C12orf42: variants seen among roughly 807,000 people sequenced by gnomAD.
The protein encoded by C12orf42 is chromosome 12 open reading frame 42.
In C12orf42, 25 loss-of-function variants were observed where a neutral mutation model predicts 21.6. That is an observed-to-expected ratio of 1.16 (90% CI 0.84 to 1.62). The LOEUF (loss-of-function observed/expected upper bound fraction) is 1.62, where lower values mean the gene tolerates loss of function less well. Among genes scored for constraint, C12orf42 ranks in the 40% most tolerant of loss-of-function variants. The pLI, the probability that C12orf42 is intolerant of heterozygous loss-of-function variation, is 0.00. For missense variants in C12orf42, 483 were observed against 459.3 expected, an observed-to-expected ratio of 1.05 and a Z score of -0.47; for synonymous variants, 174 against 175.0, an observed-to-expected ratio of 0.99 and a Z score of 0.05.
intron 4 of C12orf42, among the ~76,000 whole-genome samples, chr12:103,282,566 G>T (rs11611784): frequency 6.6e-6 from 1 of 152,044 alleles, no homozygotes; most frequent in African/African-American, 2.4e-5. Context: ...ATACCATCTA[G>T]GTTTGTGTTA....
At chr12:103,436,139 T>G (rs1308335704) in intron 2 of C12orf42, among the ~76,000 whole-genome samples, 2 of 151,610 alleles carry the variant, frequency 1.3e-5, no homozygotes, top group Admixed American at 6.6e-5. Flanking sequence ...GAATTTCATA[T>G]CCAGCCAAAC....
intron 10 of C12orf42, among the ~76,000 whole-genome samples, chr12:103,252,645 GT>G (rs2034367927): frequency 6.6e-6 from 1 of 152,012 alleles, no homozygotes; most frequent in African/African-American, 2.4e-5. Context: ...GGGGTTGTTT[GT>G]TTTTTTCTTG....
the C12orf42 span, among the ~76,000 whole-genome samples, chr12:103,132,364 A>G: frequency 6.6e-6 from 1 of 152,012 alleles, no homozygotes; most frequent in Non-Finnish European, 1.5e-5. Context: ...GAAAAAGTAG[A>G]TGAGTGACCC....
intron 5 of C12orf42, among the ~76,000 whole-genome samples, chr12:103,303,500 T>C (rs1461455877): frequency 6.6e-6 from 1 of 152,172 alleles, no homozygotes; most frequent in Non-Finnish European, 1.5e-5. Flanking sequence ...TCTAGAAGCT[T>C]TCAAAGGTTT....
chr12:103,263,000 T>C (rs188904632), intron 10 of C12orf42, among the ~76,000 whole-genome samples: 4 of 152,244 alleles, frequency 2.6e-5, no homozygotes, highest in African/African-American at 9.6e-5. Flanking sequence ...ATGTCCTTTG[T>C]AGGGATACGG....
chr12:103,447,170 C>T (rs1231839929), intron 2 of C12orf42, among the ~76,000 whole-genome samples: 1 of 151,886 alleles, frequency 6.6e-6, no homozygotes, highest in Admixed American at 6.6e-5. Context: ...CTCTCTCAGA[C>T]CACAGTGGAA....
the C12orf42 span, among the ~76,000 whole-genome samples, chr12:103,529,385 G>C: frequency 6.6e-6 from 1 of 152,236 alleles, no homozygotes; most frequent in Admixed American, 6.5e-5. Context: ...GTCCATTCCT[G>C]TAAATGCTGT....
At chr12:103,058,743 CG>C in the C12orf42 span, among the ~76,000 whole-genome samples, 1 of 152,020 alleles carries the variant, frequency 6.6e-6, no homozygotes, top group Non-Finnish European at 1.5e-5. Flanking sequence ...GGGTAAATAA[CG>C]AAATTAAGGC....
intron 5 of C12orf42, among the ~76,000 whole-genome samples, chr12:103,303,425 C>A (rs1035663136): frequency 2.0e-5 from 3 of 151,980 alleles, no homozygotes; most frequent in South Asian, 2.1e-4. Flanking sequence ...AAATCTAATT[C>A]TTCAGTAGTG....
chr12:103,319,649 TA>T (rs2039887287), intron 4 of C12orf42, among the ~76,000 whole-genome samples: 1 of 152,254 alleles, frequency 6.6e-6, no homozygotes, highest in Non-Finnish European at 1.5e-5. Context: ...ACAATATTTC[TA>T]AAGATTTCAA....
chr12:103,327,495 T>A (rs1160579918), intron 4 of C12orf42, among the ~76,000 whole-genome samples: 4 of 152,118 alleles, frequency 2.6e-5, no homozygotes, highest in Non-Finnish European at 4.4e-5. Flanking sequence ...AAGTAAGAAG[T>A]GATATTCAGT....
intron 2 of C12orf42, among the ~76,000 whole-genome samples, chr12:103,445,326 A>C (rs1235857942): frequency 6.6e-6 from 1 of 152,004 alleles, no homozygotes; most frequent in East Asian, 1.9e-4. Context: ...GCAGAGGAAA[A>C]ACAGTTTTTT....
the C12orf42 span, among the ~76,000 whole-genome samples, chr12:103,088,271 T>C: frequency 6.6e-6 from 1 of 152,248 alleles, no homozygotes; most frequent in African/African-American, 2.4e-5. Flanking sequence ...TTTCCCAACA[T>C]CTACCACAGT....
intron 3 of C12orf42, 136 bp from the exon 4 acceptor site, chr12:103,369,134 G>T: frequency 1.8e-6 from 1 of 547,180 alleles, no homozygotes; most frequent in Non-Finnish European, 3.3e-6. Context: ...TTCTTTAAAT[G>T]AAACAATCCT....
chr12:103,486,800 G>A (rs1954862892), intron 1 of C12orf42, among the ~76,000 whole-genome samples: 1 of 152,076 alleles, frequency 6.6e-6, no homozygotes, highest in Non-Finnish European at 1.5e-5. Context: ...TGGGATCAGT[G>A]GTGATATCCC....
At chr12:103,263,297 T>A (rs1233261820) in intron 10 of C12orf42, 1 of 151,832 alleles carries the variant, frequency 6.6e-6, no homozygotes, top group Non-Finnish European at 1.5e-5. Context: ...ACTTAGAGTA[T>A]AATAAAAAAT....
At chr12:103,194,994 T>C in the C12orf42 span, among the ~76,000 whole-genome samples, 1 of 152,322 alleles carries the variant, frequency 6.6e-6, no homozygotes, top group Middle Eastern at 3.4e-3. Flanking sequence ...TTTCCTTCTT[T>C]GTGTCAATAT....
intron 1 of C12orf42, among the ~76,000 whole-genome samples, chr12:103,488,342 C>T (rs1418628935): frequency 1.3e-5 from 2 of 152,202 alleles, no homozygotes; most frequent in South Asian, 2.1e-4. Flanking sequence ...ATGGGCTTCC[C>T]TTTGTGGGTA....
intron 4 of C12orf42, among the ~76,000 whole-genome samples, chr12:103,323,649 C>G (rs1306656500): frequency 6.6e-6 from 1 of 152,190 alleles, no homozygotes; most frequent in African/African-American, 2.4e-5. Context: ...TGCTCACTAT[C>G]AGAAAAGTAG....
Sources: allele counts gnomAD v4.1 joint callset (sites outside exome capture counted in the v4.1 genomes callset), GRCh38; gene constraint gnomAD v4.1.1; transcripts MANE v1.5; gene names NCBI Gene and HGNC (gene_info 2026-07-23, HGNC 2026-07-21).